COL22A1: variants seen among roughly 807,000 people sequenced by gnomAD.
The protein encoded by COL22A1 is collagen type XXII alpha 1 chain.
In COL22A1, 221 loss-of-function variants were observed where a neutral mutation model predicts 248.9. The ratio of observed to expected loss-of-function variants is 0.89; its 90% CI spans 0.80 to 0.99. COL22A1 has a LOEUF of 0.99. Among genes scored for constraint, COL22A1 ranks in the 50% least tolerant of loss-of-function variants. The pLI, the probability that COL22A1 is intolerant of heterozygous loss-of-function variation, is 0.00. For missense variants in COL22A1, 2,240 were observed against 2,179.0 expected (o/e 1.03, Z -0.56); for synonymous variants, 891 against 793.4 (o/e 1.12, Z -2.07).
At chr8:138,858,672 C>T (rs1822225354) in intron 3 of COL22A1, among the ~76,000 whole-genome samples, 1 of 152,168 alleles carries the variant, frequency 6.6e-6, no homozygotes, top group African/African-American at 2.4e-5. Flanking sequence ...CTGAAGATCC[C>T]CAGGGTCTTT....
chr8:138,601,022 G>T (rs1022950885), intron 60 of COL22A1, among the ~76,000 whole-genome samples: 6 of 152,202 alleles, frequency 3.9e-5, no homozygotes, highest in African/African-American at 1.4e-4. Flanking sequence ...TGCCATGAAA[G>T]CACTTAACAG....
intron 30 of COL22A1, among the ~76,000 whole-genome samples, chr8:138,707,911 T>A (rs1378446436): frequency 6.6e-6 from 1 of 152,194 alleles, no homozygotes; most frequent in Non-Finnish European, 1.5e-5. Context: ...CAAAATCTCC[T>A]TAAGCTGAGA....
At chr8:138,686,274 C>G in intron 37 of COL22A1, among the ~76,000 whole-genome samples, 1 of 152,136 alleles carries the variant, frequency 6.6e-6, no homozygotes, top group East Asian at 1.9e-4. Context: ...TGAGCTTGCT[C>G]CAGGCCAGTG....
intron 1 of COL22A1, among the ~76,000 whole-genome samples, chr8:138,911,106 C>T (rs1308604417): frequency 6.6e-6 from 1 of 152,230 alleles, no homozygotes; most frequent in African/African-American, 2.4e-5. Context: ...CAACAGCCAT[C>T]CCATCTGTCT....
intron 4 of COL22A1, among the ~76,000 whole-genome samples, chr8:138,835,436 G>A (rs546763927): frequency 1.3e-5 from 2 of 152,340 alleles, no homozygotes; most frequent in African/African-American, 4.8e-5. Flanking sequence ...GAGGGAACAG[G>A]CACCCACAGT....
Position 138,663,938 on chromosome 8 carries a change from G to T in COL22A1, c.3151-198C>A, listed in dbSNP as rs936356604. ...GTTGCTCATGAAAATCTCTCTGGAA[G>T]CTCCTCCATTTGCTCCTCAACTGAT... On this transcript the variant is annotated intron_variant, in intron 41 of 64. Coordinates refer to ENST00000303045, the MANE Select transcript of COL22A1 (RefSeq NM_152888.3). Among the ~76,000 whole-genome samples the T allele has an allele frequency of 3.3e-5, 5 of 151,924 alleles. No individual in the cohort carries two copies. In the East Asian group the frequency reaches 7.9e-4, roughly 24 times the overall value.
intron 4 of COL22A1, among the ~76,000 whole-genome samples, chr8:138,835,536 C>G (rs1051096331): frequency 6.6e-6 from 1 of 152,162 alleles, no homozygotes; most frequent in Non-Finnish European, 1.5e-5. Context: ...CTTTCCTGAC[C>G]CGCCAGCTGC....
At chr8:138,725,534 G>T in intron 23 of COL22A1, 94 bp from the exon 24 acceptor site, 2 of 955,826 alleles carry the variant, frequency 2.1e-6, no homozygotes, top group Non-Finnish European at 3.2e-6. Context: ...GAAGGGGACA[G>T]GAGGATGAGG....
chr8:138,785,345 G>T lies in COL22A1; in HGVS notation c.1597-4365C>A, dbSNP rs544365590. On this transcript the variant is annotated intron_variant, in intron 12 of 64. Transcript: ENST00000303045. ...CCCTACCTGCCTCTTGCACTAACCT[G>T]GGCAAATGATGATGTCCATTTCCAG... is the stretch of plus-strand genomic sequence containing the variant. Among the ~76,000 whole-genome samples the T allele has an allele frequency of 2.9e-3, 440 of 152,276 alleles. 1 individual carries two copies. Among genetic ancestry groups the T allele is most frequent in the African/African-American group, 0.01 (419 of 41,556 alleles).
At chr8:138,824,910 T>G (rs1043915048) in intron 6 of COL22A1, among the ~76,000 whole-genome samples, 2 of 152,198 alleles carry the variant, frequency 1.3e-5, no homozygotes, top group African/African-American at 4.8e-5. Flanking sequence ...CAAGACAGAC[T>G]TCATCTCTCC....
At chr8:138,743,135 ATGG>A (rs1196437306) in intron 22 of COL22A1, among the ~76,000 whole-genome samples, 1 of 140,318 alleles carries the variant, frequency 7.1e-6, no homozygotes, top group Non-Finnish European at 1.5e-5. Context: ...TGTGATGGTG[ATGG>A]TGGAGTTGAT....
chr8:138,625,918 A>G (rs114549287), intron 51 of COL22A1, among the ~76,000 whole-genome samples: 156 of 152,352 alleles, frequency 1.0e-3, no homozygotes, highest in African/African-American at 3.7e-3. Context: ...ACATACATAT[A>G]TATGTAGAGA....
chr8:138,775,419 C>T (rs1461834133), intron 16 of COL22A1, among the ~76,000 whole-genome samples: 1 of 152,208 alleles, frequency 6.6e-6, no homozygotes, highest in Non-Finnish European at 1.5e-5. Context: ...GGAGCCTCCA[C>T]CTAGGCCTCC....
Position 138,636,804 on chromosome 8 carries a change from G to T in COL22A1, c.3502-9C>A. On this transcript the variant is annotated splice_polypyrimidine_tract_variant and intron_variant, in intron 47 of 64. Transcript: ENST00000303045. ...CGTTCTCCTTGACTTCCCTTGAAAG[G>T]AAAAAAAAGAAAAGAAAGATGTCAC... 1 of 1,605,656 alleles carries T rather than the reference G, an allele frequency of 6.2e-7. No individual in the cohort carries two copies. Among genetic ancestry groups the T allele is most frequent in the South Asian group, 1.1e-5 (1 of 90,234 alleles).
intron 26 of COL22A1, 79 bp downstream of exon 26, chr8:138,721,957 A>G: frequency 8.8e-7 from 1 of 1,138,470 alleles, no homozygotes; most frequent in Admixed American, 2.0e-5. Context: ...CTTGTTGTAG[A>G]ATTCACCAAC....
intron 22 of COL22A1, among the ~76,000 whole-genome samples, chr8:138,750,138 T>C (rs992038592): frequency 1.3e-5 from 2 of 152,180 alleles, no homozygotes; most frequent in East Asian, 3.9e-4. Flanking sequence ...CCTCCTTGCC[T>C]TCTGCCATGA....
At chr8:138,663,150 G>A (rs1316890972) in intron 42 of COL22A1, among the ~76,000 whole-genome samples, 1 of 152,124 alleles carries the variant, frequency 6.6e-6, no homozygotes, top group African/African-American at 2.4e-5. Context: ...TATTTCCCCT[G>A]GGGTGAATTT....
intron 60 of COL22A1, among the ~76,000 whole-genome samples, chr8:138,600,404 C>T (rs1028081202): frequency 2.6e-5 from 4 of 152,276 alleles, no homozygotes; most frequent in Admixed American, 6.5e-5. Context: ...GTCACCAAAC[C>T]GTCTCTAACA....
chr8:138,810,113 G>A (rs1355238552), intron 9 of COL22A1, among the ~76,000 whole-genome samples: 1 of 152,162 alleles, frequency 6.6e-6, no homozygotes, highest in Non-Finnish European at 1.5e-5. Context: ...ATGGATGGAT[G>A]GAGAATAAGG....
Sources: allele counts gnomAD v4.1 joint callset (sites outside exome capture counted in the v4.1 genomes callset), GRCh38; gene constraint gnomAD v4.1.1; transcripts MANE v1.5; gene names NCBI Gene and HGNC (gene_info 2026-07-23, HGNC 2026-07-21).